PTPRM: variants seen among roughly 807,000 people sequenced by gnomAD.
PTPRM encodes receptor-type tyrosine-protein phosphatase mu.
PTPRM carries 47 observed loss-of-function variants against 186.7 expected under a neutral mutation model. The observed-to-expected ratio is 0.25, with a 90% confidence interval of 0.20 to 0.32. The LOEUF (loss-of-function observed/expected upper bound fraction) is 0.32, where lower values mean the gene tolerates loss of function less well. Ranked by LOEUF, PTPRM falls within the 10% of genes least tolerant of loss-of-function variation. PTPRM has a pLI of 1.00. For missense variants in PTPRM, 1,494 were observed against 1,865.0 expected (o/e 0.80, Z 3.66); for synonymous variants, 668 against 674.9 (o/e 0.99, Z 0.16).
chr18:8,184,846 G>A (rs540554901), intron 14 of PTPRM, among the ~76,000 whole-genome samples: 4 of 152,192 alleles, frequency 2.6e-5, no homozygotes, highest in East Asian at 3.9e-4. Flanking sequence ...GAGTGAGAGC[G>A]TCCCTTTGTC....
In PTPRM at chr18:7,760,208, A is replaced by G. The variant is rs560870984; in HGVS notation, c.74-13941A>G. Reference sequence around the variant, plus strand: ...TAACATTATTTTATTTAGTTTTTCTATTATAGCCACTTTCCCCAACAGTCC... The same window carrying G: ...TAACATTATTTTATTTAGTTTTTCTGTTATAGCCACTTTCCCCAACAGTCC... On this transcript the variant is annotated intron_variant, in intron 1 of 32. Coordinates refer to ENST00000580170, the MANE Select transcript of PTPRM (RefSeq NM_001105244.2). Among the ~76,000 whole-genome samples, 48 of 152,192 alleles carry G rather than the reference A, an allele frequency of 3.2e-4. 1 individual carries two copies. The South Asian group carries it at 9.1e-3, about 29-fold the overall frequency.
intron 2 of PTPRM, among the ~76,000 whole-genome samples, chr18:7,808,128 C>T (rs901144348): frequency 1.3e-5 from 2 of 152,178 alleles, no homozygotes; most frequent in Non-Finnish European, 2.9e-5. Flanking sequence ...GTCTCCAAAC[C>T]GTGTGTTTGC....
chr18:7,900,074 A>G (rs2049582004), intron 3 of PTPRM, among the ~76,000 whole-genome samples: 1 of 152,142 alleles, frequency 6.6e-6, no homozygotes. Flanking sequence ...TGTTAATCAG[A>G]GTATTGATGG....
intron 1 of PTPRM, among the ~76,000 whole-genome samples, chr18:7,635,949 T>C (rs1364636950): frequency 6.6e-6 from 1 of 152,230 alleles, no homozygotes; most frequent in Non-Finnish European, 1.5e-5. Context: ...GATTAGTTAC[T>C]CAGTTTATTT....
At chr18:8,264,942 A>G (rs189664147) in intron 19 of PTPRM, among the ~76,000 whole-genome samples, 4 of 152,316 alleles carry the variant, frequency 2.6e-5, no homozygotes. Flanking sequence ...AGTTGCAGGC[A>G]GGCTGGAGCA....
rs548870045 is a variant in PTPRM, at chr18:8,108,240, C to T, written c.1857-5246C>T. Among the ~76,000 whole-genome samples, 8 of 152,094 alleles carry T rather than the reference C, an allele frequency of 5.3e-5. No homozygotes were observed. The South Asian group carries it at 8.3e-4, about 16-fold the overall frequency. On this transcript the variant is annotated intron_variant, in intron 11 of 32. Transcript: ENST00000580170. ...AATGGATGGTTTTTACCAAAAATTA[C>T]AAATCAAGCCAAAAGTCACTACTAG... is the stretch of plus-strand genomic sequence containing the variant.
intron 30 of PTPRM, among the ~76,000 whole-genome samples, chr18:8,385,160 T>C (rs767476679): frequency 4.6e-5 from 7 of 152,126 alleles, no homozygotes; most frequent in Non-Finnish European, 1.0e-4. Context: ...TGATCAGATA[T>C]CAAACATGGT....
At chr18:8,329,948 G>A (rs653652) in intron 22 of PTPRM, among the ~76,000 whole-genome samples, 130,815 of 152,082 alleles carry the variant, frequency 0.86, 56,981 homozygotes, top group Middle Eastern at 0.93. Flanking sequence ...ACAGGGATAA[G>A]CAACCACACC....
intron 21 of PTPRM, among the ~76,000 whole-genome samples, chr18:8,317,255 CAG>C: frequency 6.6e-6 from 1 of 152,080 alleles, no homozygotes; most frequent in Non-Finnish European, 1.5e-5. Context: ...AAGGTAGAGC[CAG>C]TAGGATTTGC....
chr18:7,915,346 GGA>G (rs369927500), intron 4 of PTPRM, among the ~76,000 whole-genome samples: 1 of 151,862 alleles, frequency 6.6e-6, no homozygotes, highest in East Asian at 1.9e-4. Flanking sequence ...CTGTAAATTT[GGA>G]GAGAGAGAGA....
At position 8,384,695 on chromosome 18, in the gene PTPRM, C is replaced by T. The variant is rs779194503; in HGVS notation, c.4044+9C>T. On this transcript the variant is annotated intron_variant, in intron 30 of 32. Coordinates refer to ENST00000580170, the MANE Select transcript of PTPRM (RefSeq NM_001105244.2). ...TTTACAATGCCGCCAGAGTAAGAGACGGGCCTGTCATGCCTGTGATTATGG... is the reference window on the plus strand; with the variant it reads ...TTTACAATGCCGCCAGAGTAAGAGATGGGCCTGTCATGCCTGTGATTATGG... The T allele has an allele frequency of 1.2e-4, 194 of 1,613,910 alleles. No homozygotes were observed. In the Middle Eastern group the frequency reaches 1.5e-3, roughly 12 times the overall value.
At position 7,938,477 on chromosome 18, in the gene PTPRM, G is replaced by T. The variant is rs1488533159; in HGVS notation, c.664-10704G>T. Among the ~76,000 whole-genome samples the T allele has an allele frequency of 2.0e-5, 3 of 152,244 alleles. No individual in the cohort carries two copies. In the East Asian group the frequency reaches 5.8e-4, roughly 29 times the overall value. ...GTGAACTGGCTTGAGACCTAGTTTT[G>T]CAAAGGTTTGAACCTTTAAATATAT... On this transcript the variant is annotated intron_variant, in intron 5 of 32. Transcript: ENST00000580170.
chr18:8,354,288 A>G (rs527266534), intron 23 of PTPRM, among the ~76,000 whole-genome samples: 1 of 151,918 alleles, frequency 6.6e-6, no homozygotes, highest in Admixed American at 6.5e-5. Context: ...TGGAAAGAGA[A>G]AAGAGGAGGA....
chr18:8,186,325 CAAA>C (rs5822996), intron 14 of PTPRM, among the ~76,000 whole-genome samples: 18 of 94,756 alleles, frequency 1.9e-4, no homozygotes, highest in Admixed American at 2.4e-4. Context: ...TACTCCATCT[CAAA>C]AAAAAAAAAA....
chr18:8,316,050 C>G (rs978915196), intron 21 of PTPRM, among the ~76,000 whole-genome samples: 2 of 152,172 alleles, frequency 1.3e-5, no homozygotes, highest in African/African-American at 4.8e-5. Flanking sequence ...TGGGAGTACT[C>G]AGATGTTCCA....
At chr18:7,877,913 G>T (rs1443383966) in intron 2 of PTPRM, among the ~76,000 whole-genome samples, 1 of 152,148 alleles carries the variant, frequency 6.6e-6, no homozygotes, top group African/African-American at 2.4e-5. Context: ...CTACCAGCCT[G>T]CTCTTGGCAA....
intron 20 of PTPRM, among the ~76,000 whole-genome samples, chr18:8,301,567 C>G (rs925466809): frequency 2.4e-4 from 36 of 152,208 alleles, no homozygotes; most frequent in African/African-American, 8.7e-4. Context: ...CTTTATTCAA[C>G]AAGTATATAT....
intron 2 of PTPRM, among the ~76,000 whole-genome samples, chr18:7,816,249 A>C (rs2145551715): frequency 6.6e-6 from 1 of 152,360 alleles, no homozygotes; most frequent in South Asian, 2.1e-4. Context: ...CTGTTGTGGT[A>C]ATCCCTAGAA....
At chr18:8,057,425 C>CTTTTTTTTTTTTTTTTTTTTATTTT (rs2088072341) in intron 7 of PTPRM, among the ~76,000 whole-genome samples, 1 of 102,562 alleles carries the variant, frequency 9.8e-6, no homozygotes, top group African/African-American at 4.3e-5. Flanking sequence ...TGTGATACTT[C>CTTTTTTTTTTTTTTTTTTTTATTTT]TTTTTTTTTT....
Sources: allele counts gnomAD v4.1 joint callset (sites outside exome capture counted in the v4.1 genomes callset), GRCh38; gene constraint gnomAD v4.1.1; transcripts MANE v1.5; gene names NCBI Gene and HGNC (gene_info 2026-07-23, HGNC 2026-07-21).